CDCA7L: variants seen among roughly 807,000 people sequenced by gnomAD.
CDCA7L encodes the protein cell division cycle-associated 7-like protein.
A neutral mutation model predicts 57.4 loss-of-function variants in CDCA7L; 44 were observed. That is an observed-to-expected ratio of 0.77 (90% confidence interval 0.60 to 0.98). The LOEUF is 0.98. CDCA7L is among the 50% of genes least tolerant of loss of function. The pLI, the probability that CDCA7L is intolerant of heterozygous loss-of-function variation, is 0.00. For synonymous variants in CDCA7L, 236 were observed against 202.8 expected (o/e 1.16, Z -1.39); for missense variants, 644 against 580.6 (o/e 1.11, Z -1.12).
Position 21,908,595 on chromosome 7 carries a change from G to A in CDCA7L, c.304-88C>T, listed in dbSNP as rs1346912711. 9.8e-6 allele frequency: 13 copies of A among 1,321,234 alleles called. No homozygotes were observed. The Admixed American group carries it at 1.1e-4, about 11-fold the overall frequency. The allele number at this position is 1,321,234 out of a possible 1,614,324, so 81.8% of individuals were successfully genotyped here. A position where few individuals can be genotyped will look rare whatever the true frequency, so the allele number is the denominator to read the frequency against. ...CATTTAAAACAACTGACAGCATTATGAGAAAAAACATGAAAAATGAAAAGC... is the reference window on the plus strand; with the variant it reads ...CATTTAAAACAACTGACAGCATTATAAGAAAAAACATGAAAAATGAAAAGC... On this transcript the variant is annotated intron_variant, in intron 3 of 9. Coordinates refer to ENST00000406877, the MANE Select transcript of CDCA7L (RefSeq NM_018719.5).
At position 21,906,627 on chromosome 7, in the gene CDCA7L, A is replaced by G. The variant is rs1374646585; in HGVS notation, c.694T>C (p.Leu232=). Residue 232 remains leucine (L), a synonymous_variant, in exon 5 of 10, where the codon TTG becomes CTG. Coordinates refer to ENST00000406877, the MANE Select transcript of CDCA7L (RefSeq NM_018719.5). ...KENKAMLAQL[L]AELNSMPDFF... is the part of the protein sequence containing the mutation. Reference sequence around the variant, plus strand: ...TCTGGCATCGAGTTCAATTCCGCCAATAACTGGGCAAGCTGAAGTTCAGAA... The same window carrying G: ...TCTGGCATCGAGTTCAATTCCGCCAGTAACTGGGCAAGCTGAAGTTCAGAA... 5 of 1,613,874 alleles carry G rather than the reference A, an allele frequency of 3.1e-6. No homozygotes were observed. Among genetic ancestry groups the G allele is most frequent in the Admixed American group, 1.7e-5 (1 of 60,016 alleles).
At chr7:21,936,228 T>A (rs1786158900) in intron 1 of CDCA7L, among the ~76,000 whole-genome samples, 1 of 152,136 alleles carries the variant, frequency 6.6e-6, no homozygotes, top group African/African-American at 2.4e-5. Flanking sequence ...CAAGATGGCT[T>A]CATGGGTAAT....
At chr7:21,943,354 T>A (rs1786405554) in intron 1 of CDCA7L, among the ~76,000 whole-genome samples, 1 of 152,236 alleles carries the variant, frequency 6.6e-6, no homozygotes, top group South Asian at 2.1e-4. Flanking sequence ...CTAAGCTGCT[T>A]TGCTGAAACA....
At chr7:21,933,667 G>C (rs1786081416) in intron 1 of CDCA7L, among the ~76,000 whole-genome samples, 1 of 152,140 alleles carries the variant, frequency 6.6e-6, no homozygotes, top group East Asian at 1.9e-4. Flanking sequence ...TGGGGGACTA[G>C]AGGAGGGATA....
At position 21,901,051 on chromosome 7, in the gene CDCA7L, C is replaced by G. The variant is rs1249660755; in HGVS notation, c.*1271G>C. 1 of 1,613,358 alleles carries G rather than the reference C, an allele frequency of 6.2e-7. No homozygotes were observed. Among genetic ancestry groups the G allele is most frequent in the African/African-American group, 1.3e-5 (1 of 75,026 alleles). On this transcript the variant is annotated 3_prime_UTR_variant, in exon 10 of 10. Coordinates refer to ENST00000406877, the MANE Select transcript of CDCA7L (RefSeq NM_018719.5). Reference sequence around the variant, plus strand: ...AGCAGGAACCATTGTTGAAGCCCGTCTCAAGGAGCTGGCATGCCCTATGCC... The same window carrying G: ...AGCAGGAACCATTGTTGAAGCCCGTGTCAAGGAGCTGGCATGCCCTATGCC...
rs1784899976 is a variant in CDCA7L, at chr7:21,902,014, C to CTAACT, written c.*303_*307dup. On this transcript the variant is annotated 3_prime_UTR_variant, in exon 10 of 10. Coordinates refer to ENST00000406877, the MANE Select transcript of CDCA7L (RefSeq NM_018719.5). The stretch of plus-strand genomic sequence containing the variant: ...GAGCTGATCATACAATGTTTTCTCT[C>CTAACT]TAACTTACTTACCTGAACTTTAACC... The CTAACT allele has an allele frequency of 7.9e-6, 3 of 377,628 alleles. No homozygotes were observed. Among genetic ancestry groups the CTAACT allele is most frequent in the East Asian group, 9.8e-5 (2 of 20,468 alleles). The allele number at this position is 377,628 out of a possible 1,614,324, so 23.4% of individuals were successfully genotyped here. A position where few individuals can be genotyped will look rare whatever the true frequency, so the allele number is the denominator to read the frequency against.
At chr7:21,940,981 G>T (rs1474253722) in intron 1 of CDCA7L, among the ~76,000 whole-genome samples, 1 of 152,160 alleles carries the variant, frequency 6.6e-6, no homozygotes, top group Non-Finnish European at 1.5e-5. Flanking sequence ...TCATAAGCTT[G>T]GTTCTAACCT....
chr7:21,924,188 C>T (rs1785754365), intron 1 of CDCA7L, among the ~76,000 whole-genome samples: 2 of 151,858 alleles, frequency 1.3e-5, no homozygotes, highest in Admixed American at 1.3e-4. Flanking sequence ...AGAAGGAACA[C>T]ATTTATCAGT....
intron 1 of CDCA7L, among the ~76,000 whole-genome samples, chr7:21,945,072 C>G (rs1045230129): frequency 9.9e-5 from 15 of 152,096 alleles, no homozygotes; most frequent in Non-Finnish European, 1.3e-4. Flanking sequence ...AAAGAGAAAA[C>G]TGAAGTCACG....
At chr7:21,908,653 T>G in intron 3 of CDCA7L, 146 bp from the exon 4 acceptor site, 1 of 908,480 alleles carries the variant, frequency 1.1e-6, no homozygotes, top group Non-Finnish European at 1.6e-6. Context: ...CCTCTGAATT[T>G]CCTTTAAATG....
chr7:21,906,692 G>A, intron 4 of CDCA7L, 53 bp from the exon 5 acceptor site: 1 of 1,566,070 alleles, frequency 6.4e-7, no homozygotes, highest in South Asian at 1.1e-5. Context: ...TCCAGGTTTA[G>A]GTCATCCAAC....
At chr7:21,936,387 C>T (rs1343366360) in intron 1 of CDCA7L, among the ~76,000 whole-genome samples, 3 of 152,110 alleles carry the variant, frequency 2.0e-5, no homozygotes, top group African/African-American at 4.8e-5. Context: ...ACTATACAGC[C>T]ATATCTCTTA....
At chr7:21,928,252 G>C (rs996259734) in intron 1 of CDCA7L, among the ~76,000 whole-genome samples, 1 of 152,176 alleles carries the variant, frequency 6.6e-6, no homozygotes, top group East Asian at 1.9e-4. Flanking sequence ...GAAAGGAATA[G>C]CATCAACATC....
chr7:21,945,794 G>T lies in CDCA7L; in HGVS notation c.11C>A (p.Ala4Glu), dbSNP rs1409482952. 2 of 1,599,636 alleles carry T rather than the reference G, an allele frequency of 1.3e-6. No homozygotes were observed. Among genetic ancestry groups the T allele is most frequent in the East Asian group, 4.6e-5 (2 of 43,168 alleles). MELATRYQIPKEVA... is the reference protein window; with the variant it reads MELETRYQIPKEVA... Reference sequence around the variant, plus strand: ...CCGGACCCTCACCTGGTAGCGAGTCGCCAACTCCATTCTTCCTAACCGGGC... The same window carrying T: ...CCGGACCCTCACCTGGTAGCGAGTCTCCAACTCCATTCTTCCTAACCGGGC... The change falls in exon 1 of 10, where the codon GCG becomes GAG. Residue 4 changes from alanine to glutamate, a missense_variant. By Grantham distance (107) the Ala-to-Glu change is moderately radical. Transcript: ENST00000406877.
At chr7:21,913,268 T>C (rs1017271394) in intron 2 of CDCA7L, among the ~76,000 whole-genome samples, 5 of 152,134 alleles carry the variant, frequency 3.3e-5, no homozygotes, top group African/African-American at 4.8e-5. Context: ...TTATGGGTAA[T>C]TGGAGTGAGT....
At chr7:21,907,306 T>A (rs1785172171) in intron 4 of CDCA7L, among the ~76,000 whole-genome samples, 1 of 152,194 alleles carries the variant, frequency 6.6e-6, no homozygotes. Flanking sequence ...TAAAAATGTT[T>A]CTTAGGATAA....
At chr7:21,902,742 T>C (rs1784968914) in intron 9 of CDCA7L, 1 of 512,090 alleles carries the variant, frequency 2.0e-6, no homozygotes, top group South Asian at 2.8e-5. Context: ...AGGAGAAATT[T>C]TGGTTAAAGG....
intron 1 of CDCA7L, among the ~76,000 whole-genome samples, chr7:21,930,025 G>C (rs1287111393): frequency 6.6e-6 from 1 of 152,112 alleles, no homozygotes; most frequent in African/African-American, 2.4e-5. Context: ...ATTCTTCTCA[G>C]CACCACATCA....
intron 1 of CDCA7L, among the ~76,000 whole-genome samples, chr7:21,917,476 A>G (rs977693779): frequency 5.3e-5 from 8 of 152,222 alleles, no homozygotes; most frequent in African/African-American, 1.7e-4. Flanking sequence ...AGAGAGAACA[A>G]TGTCAGCACA....
Sources: gnomAD v4.1 joint callset for allele counts (sites outside exome capture counted in the v4.1 genomes callset) on GRCh38, gnomAD v4.1.1 for gene constraint, MANE v1.5 for transcripts, NCBI Gene and HGNC (gene_info 2026-07-23, HGNC 2026-07-21) for gene names.